DPP10: variants seen among roughly 807,000 people sequenced by gnomAD.
DPP10 encodes the protein inactive dipeptidyl peptidase 10.
Under a neutral mutation model 120.9 loss-of-function variants are expected in DPP10, and 33 were observed. The ratio of observed to expected loss-of-function variants is 0.27; its 90% CI spans 0.21 to 0.37. The LOEUF is 0.37. Ranked by LOEUF, DPP10 falls within the 10% of genes least tolerant of loss-of-function variation. The pLI is 1.00. For synonymous variants in DPP10, 337 were observed against 326.1 expected, an observed-to-expected ratio of 1.03 and a Z score of -0.36; for missense variants, 816 against 942.8, an observed-to-expected ratio of 0.87 and a Z score of 1.76.
chr2:115,693,141 A>G (rs2091407120), intron 7 of DPP10, among the ~76,000 whole-genome samples: 1 of 152,226 alleles, frequency 6.6e-6, no homozygotes, highest in Admixed American at 6.6e-5. Context: ...TATCTTGTAG[A>G]TATTTAGATA....
intron 3 of DPP10, among the ~76,000 whole-genome samples, chr2:115,489,631 T>G (rs1372059898): frequency 6.6e-6 from 1 of 151,582 alleles, no homozygotes; most frequent in African/African-American, 2.4e-5. Flanking sequence ...TTTTTTTAAA[T>G]TAAGCTGGTA....
At chr2:114,663,658 T>TAGAGAGAG (rs1385374204) in intron 1 of DPP10, among the ~76,000 whole-genome samples, 16 of 91,218 alleles carry the variant, frequency 1.8e-4, no homozygotes, top group Admixed American at 4.0e-4. Context: ...TATATATATA[T>TAGAGAGAG]ATATATATAT....
chr2:114,576,588 C>T (rs1375502555), intron 1 of DPP10, among the ~76,000 whole-genome samples: 2 of 152,194 alleles, frequency 1.3e-5, no homozygotes, highest in Non-Finnish European at 2.9e-5. Context: ...CCACAGAAAT[C>T]ACCCTCTTTG....
chr2:114,797,083 A>G (rs932729777), intron 1 of DPP10, among the ~76,000 whole-genome samples: 1 of 152,202 alleles, frequency 6.6e-6, no homozygotes, highest in Admixed American at 6.5e-5. Context: ...CTATGACCTC[A>G]CCATGCCCAC....
intron 1 of DPP10, among the ~76,000 whole-genome samples, chr2:114,983,325 A>G (rs1455755576): frequency 2.6e-5 from 4 of 152,214 alleles, no homozygotes; most frequent in Non-Finnish European, 5.9e-5. Flanking sequence ...ATTAAATGCC[A>G]TATTATGAAA....
chr2:114,589,354 C>T (rs962260398), intron 1 of DPP10, among the ~76,000 whole-genome samples: 6 of 152,294 alleles, frequency 3.9e-5, no homozygotes, highest in Admixed American at 6.5e-5. Context: ...GAAAATATCA[C>T]GTGGTTTCTC....
chr2:114,758,904 T>C (rs1280991086), intron 1 of DPP10, among the ~76,000 whole-genome samples: 1 of 152,214 alleles, frequency 6.6e-6, no homozygotes, highest in Non-Finnish European at 1.5e-5. Flanking sequence ...CCCCTATGCC[T>C]TTCATATCTG....
At chr2:114,836,593 A>T (rs2106430596) in intron 1 of DPP10, among the ~76,000 whole-genome samples, 1 of 152,300 alleles carries the variant, frequency 6.6e-6, no homozygotes, top group East Asian at 1.9e-4. Context: ...GGACCACAGG[A>T]CTGGGGCGAA....
intron 10 of DPP10, among the ~76,000 whole-genome samples, chr2:115,747,946 A>G (rs531228710): frequency 3.9e-5 from 6 of 152,312 alleles, no homozygotes; most frequent in South Asian, 2.1e-4. Context: ...AAAAGTTTGC[A>G]ATGGGAATCA....
At chr2:114,785,153 T>A (rs150096175) in intron 1 of DPP10, among the ~76,000 whole-genome samples, 270 of 152,310 alleles carry the variant, frequency 1.8e-3, no homozygotes, top group African/African-American at 6.2e-3. Context: ...CTCCTCCTGT[T>A]CTATTTTTGA....
At chr2:115,121,356 G>C (rs1171834400) in intron 1 of DPP10, among the ~76,000 whole-genome samples, 1 of 152,216 alleles carries the variant, frequency 6.6e-6, no homozygotes, top group Non-Finnish European at 1.5e-5. Flanking sequence ...CTTAGAGAAG[G>C]AGATTAGCAC....
chr2:115,748,350 AT>A (rs1021971169), intron 10 of DPP10, among the ~76,000 whole-genome samples: 2 of 151,698 alleles, frequency 1.3e-5, no homozygotes, highest in African/African-American at 4.8e-5. Flanking sequence ...ATAAACTATC[AT>A]TTTTTTCTTT....
chr2:115,812,574 T>C (rs1295356318), intron 19 of DPP10, among the ~76,000 whole-genome samples: 1 of 152,154 alleles, frequency 6.6e-6, no homozygotes. Context: ...AAATTTCAAA[T>C]GATCTGATCA....
At chr2:115,044,170 A>G (rs1380856403) in intron 1 of DPP10, among the ~76,000 whole-genome samples, 1 of 152,114 alleles carries the variant, frequency 6.6e-6, no homozygotes, top group Non-Finnish European at 1.5e-5. Flanking sequence ...TAATTTATAA[A>G]TAAAAGAGCT....
chr2:115,491,210 C>CTCCAACTACAGCAAACACTGCTAGAGG (rs1243735627), intron 3 of DPP10, among the ~76,000 whole-genome samples: 3 of 152,164 alleles, frequency 2.0e-5, no homozygotes, highest in Non-Finnish European at 4.4e-5. Flanking sequence ...AGAGACTTAA[C>CTCCAACTACAGCAAACACTGCTAGAGG]TCCAACTACA....
intron 4 of DPP10, among the ~76,000 whole-genome samples, chr2:115,520,676 A>G (rs1343852085): frequency 1.3e-5 from 2 of 152,178 alleles, no homozygotes; most frequent in African/African-American, 4.8e-5. Context: ...TATTAATTGT[A>G]ACTGCATCTC....
chr2:114,736,137 G>A lies in DPP10; in HGVS notation c.60+293299G>A, dbSNP rs17043459. 9.4e-3 allele frequency among the ~76,000 whole-genome samples: 1,429 copies of A among 152,034 alleles called. 20 individuals carry two copies. The highest frequency in any genetic ancestry group is 0.032 in the African/African-American group (1,340 of 41,490). On this transcript the variant is annotated intron_variant, in intron 1 of 25. Coordinates refer to ENST00000410059, the MANE Select transcript of DPP10 (RefSeq NM_020868.6). ...CATTTCCAACTCTTCTTCCACTACT[G>A]TGAGGAATCCATGTCCTCCTTTCTC...
chr2:115,045,026 A>G (rs575710530), intron 1 of DPP10, among the ~76,000 whole-genome samples: 5 of 152,286 alleles, frequency 3.3e-5, no homozygotes, highest in African/African-American at 1.2e-4. Context: ...CTGTTGATGG[A>G]TACTTTGGTA....
chr2:115,183,044 C>T (rs1015128023), intron 1 of DPP10, among the ~76,000 whole-genome samples: 4 of 150,260 alleles, frequency 2.7e-5, no homozygotes, highest in Non-Finnish European at 6.0e-5. Context: ...CGTGCATGCG[C>T]ACACATGCAC....
Sources: allele counts gnomAD v4.1 joint callset (sites outside exome capture counted in the v4.1 genomes callset), GRCh38; gene constraint gnomAD v4.1.1; transcripts MANE v1.5; gene names NCBI Gene and HGNC (gene_info 2026-07-23, HGNC 2026-07-21).